SORCS1: variants seen among roughly 807,000 people sequenced by gnomAD.
The protein encoded by SORCS1 is VPS10 domain-containing receptor SorCS1.
A neutral mutation model predicts 146.1 loss-of-function variants in SORCS1; 60 were observed. The ratio of observed to expected loss-of-function variants is 0.41; its 90% CI spans 0.33 to 0.51. SORCS1 has a LOEUF of 0.51. Ranked by LOEUF, SORCS1 falls within the 20% of genes least tolerant of loss-of-function variation. The pLI, the probability that SORCS1 is intolerant of heterozygous loss-of-function variation, is 0.21. For synonymous variants in SORCS1, 637 were observed against 584.0 expected (o/e 1.09, Z -1.31); for missense variants, 1,352 against 1,487.6 (o/e 0.91, Z 1.50).
intron 5 of SORCS1, among the ~76,000 whole-genome samples, chr10:106,756,136 A>AAT (rs1554923297): frequency 7.2e-5 from 11 of 152,080 alleles, no homozygotes; most frequent in Admixed American, 1.3e-4. Flanking sequence ...CTCAAAAAAA[A>AAT]AAATAAATAA....
At chr10:106,983,046 G>A (rs1221794106) in intron 1 of SORCS1, among the ~76,000 whole-genome samples, 2 of 150,730 alleles carry the variant, frequency 1.3e-5, no homozygotes, top group Non-Finnish European at 3.0e-5. Flanking sequence ...GCAAATGAGT[G>A]ATTTTTAAAT....
chr10:107,063,594 A>G (rs1961447695), intron 1 of SORCS1, among the ~76,000 whole-genome samples: 1 of 152,236 alleles, frequency 6.6e-6, no homozygotes, highest in African/African-American at 2.4e-5. Context: ...AAGGCAATTC[A>G]CAATCTCATG....
rs571087306 is a variant in SORCS1 at position 106,688,042 on chromosome 10, A to T, written c.1560+150T>A. Reference sequence around the variant, plus strand: ...GCACATCACACTAGGCAGTGCTGTGAGTTTTCTACACCCTTTGCCTTCACG... The same window carrying T: ...GCACATCACACTAGGCAGTGCTGTGTGTTTTCTACACCCTTTGCCTTCACG... On this transcript the variant is annotated intron_variant, in intron 10 of 25. Coordinates refer to ENST00000263054, the MANE Select transcript of SORCS1 (RefSeq NM_052918.5). The T allele has an allele frequency of 3.5e-5, 35 of 986,478 alleles. No individual in the cohort carries two copies. In the African/African-American group the frequency reaches 5.8e-4, roughly 16 times the overall value. 61.1% of individuals were successfully genotyped at this position (986,478 alleles called of 1,614,324 possible).
At chr10:106,888,696 C>G (rs1268362341) in intron 2 of SORCS1, among the ~76,000 whole-genome samples, 2 of 152,206 alleles carry the variant, frequency 1.3e-5, no homozygotes, top group African/African-American at 4.8e-5. Context: ...TACTCTCCAA[C>G]TGGAATGAAT....
chr10:107,025,972 T>C (rs1252778112), intron 1 of SORCS1, among the ~76,000 whole-genome samples: 3 of 152,134 alleles, frequency 2.0e-5, no homozygotes, highest in Admixed American at 1.3e-4. Context: ...TACATCAGCC[T>C]CCCTTCACAC....
At chr10:106,607,999 C>T (rs1564771137) in intron 22 of SORCS1, among the ~76,000 whole-genome samples, 2 of 152,200 alleles carry the variant, frequency 1.3e-5, no homozygotes. Flanking sequence ...CACTCAAGGA[C>T]TTCTTGTTTA....
At chr10:106,984,991 C>T (rs1956403438) in intron 1 of SORCS1, among the ~76,000 whole-genome samples, 1 of 152,008 alleles carries the variant, frequency 6.6e-6, no homozygotes, top group Admixed American at 6.6e-5. Flanking sequence ...AGTTCCACAT[C>T]AGCCTGACCA....
intron 1 of SORCS1, among the ~76,000 whole-genome samples, chr10:107,019,084 T>C (rs1958020168): frequency 6.6e-6 from 1 of 152,210 alleles, no homozygotes; most frequent in Admixed American, 6.5e-5. Context: ...AAATATTAAA[T>C]GAGATTACAC....
At chr10:106,738,436 C>T (rs1390614393) in intron 5 of SORCS1, among the ~76,000 whole-genome samples, 1 of 152,130 alleles carries the variant, frequency 6.6e-6, no homozygotes, top group African/African-American at 2.4e-5. Context: ...ATAAGTCAGA[C>T]ACCATCTTAG....
At chr10:106,971,124 T>C (rs1423595579) in intron 1 of SORCS1, among the ~76,000 whole-genome samples, 2 of 152,056 alleles carry the variant, frequency 1.3e-5, no homozygotes, top group East Asian at 3.8e-4. Context: ...ACCACGATAT[T>C]TTAAAAAATA....
intron 17 of SORCS1, among the ~76,000 whole-genome samples, chr10:106,665,663 A>C (rs1444117831): frequency 6.6e-6 from 1 of 152,168 alleles, no homozygotes; most frequent in Non-Finnish European, 1.5e-5. Context: ...ACTCACAAAA[A>C]TATGTATCTC....
rs78056180 is a variant in SORCS1, at chr10:106,628,240, C to T, written c.2662+962G>A. 4.8e-4 allele frequency among the ~76,000 whole-genome samples: 73 copies of T among 152,234 alleles called. 5 individuals carry two copies. In the East Asian group the frequency reaches 0.014, roughly 29 times the overall value. On this transcript the variant is annotated intron_variant, in intron 19 of 25. Coordinates refer to ENST00000263054, the MANE Select transcript of SORCS1 (RefSeq NM_052918.5). The stretch of plus-strand genomic sequence containing the variant: ...ACAACCAAAACACCTTTTTGTCATC[C>T]CCTAATAGTCTTGCCCTCTCACTGG...
chr10:107,035,095 T>G (rs1418633025), intron 1 of SORCS1, among the ~76,000 whole-genome samples: 1 of 151,798 alleles, frequency 6.6e-6, no homozygotes. Flanking sequence ...CTTAGTATAT[T>G]CATTACCACC....
chr10:106,953,745 C>A (rs1158992661), intron 2 of SORCS1, among the ~76,000 whole-genome samples: 2 of 152,160 alleles, frequency 1.3e-5, no homozygotes, highest in Non-Finnish European at 2.9e-5. Flanking sequence ...ATTGTAACAT[C>A]ATGGTATTTG....
intron 2 of SORCS1, among the ~76,000 whole-genome samples, chr10:106,955,295 C>T (rs760348784): frequency 8.5e-5 from 13 of 152,254 alleles, no homozygotes; most frequent in African/African-American, 1.2e-4. Context: ...GACACCAGCG[C>T]CCAAGGCGGA....
chr10:106,777,569 C>T (rs1235655879), intron 3 of SORCS1, among the ~76,000 whole-genome samples: 1 of 152,192 alleles, frequency 6.6e-6, no homozygotes, highest in Non-Finnish European at 1.5e-5. Flanking sequence ...TTGCTCTGCA[C>T]AGTCTGCACC....
intron 3 of SORCS1, among the ~76,000 whole-genome samples, chr10:106,810,004 T>C (rs1288053792): frequency 6.6e-6 from 1 of 152,194 alleles, no homozygotes; most frequent in East Asian, 1.9e-4. Flanking sequence ...GCGGATCACC[T>C]GCGGTCAGGG....
chr10:106,701,718 T>C (rs1219095358), intron 8 of SORCS1, among the ~76,000 whole-genome samples: 7 of 152,218 alleles, frequency 4.6e-5, no homozygotes, highest in Admixed American at 3.9e-4. Context: ...GGCTGAAGAA[T>C]GGACTTTGGA....
the SORCS1 span, among the ~76,000 whole-genome samples, chr10:107,174,118 A>G: frequency 6.6e-5 from 10 of 152,122 alleles, no homozygotes; most frequent in Non-Finnish European, 1.2e-4. Context: ...ATCCATTAAT[A>G]TATTATTTTT....
Sources: allele counts gnomAD v4.1 joint callset (sites outside exome capture counted in the v4.1 genomes callset), GRCh38; gene constraint gnomAD v4.1.1; transcripts MANE v1.5; gene names NCBI Gene and HGNC (gene_info 2026-07-23, HGNC 2026-07-21).